The following DMD variants were observed in gnomAD, a reference collection of about 807,000 sequenced individuals.
The protein encoded by DMD is dystrophin, also known as mutant dystrophin.
Under a neutral mutation model 330.1 loss-of-function variants are expected in DMD, and 63 were observed. The ratio of observed to expected loss-of-function variants is 0.19; its 90% CI spans 0.16 to 0.24. The LOEUF is 0.24. Among genes scored for constraint, DMD ranks in the 10% least tolerant of loss-of-function variants. The probability of loss-of-function intolerance (pLI) is 1.00; values close to 1 mark genes in which losing one functional copy is unlikely to be tolerated. For missense variants in DMD, 3,344 were observed against 2,684.1 expected (o/e 1.25, Z -5.43); for synonymous variants, 1,223 against 959.8 (o/e 1.27, Z -5.07).
At chrX:32,494,058 C>T (rs1405589763) in intron 19 of DMD, among the ~76,000 whole-genome samples, 5 of 111,369 alleles carry the variant, frequency 4.5e-5, no homozygotes, top group Non-Finnish European at 9.4e-5. Context: ...AAAAATGAAA[C>T]TATAAGTTGA....
chrX:31,494,644 G>A (rs893429534), intron 57 of DMD, among the ~76,000 whole-genome samples: 2 of 111,774 alleles, frequency 1.8e-5, no homozygotes, highest in African/African-American at 3.2e-5. Flanking sequence ...TAAGGACTGC[G>A]TTAAGTACAG....
intron 1 of DMD, among the ~76,000 whole-genome samples, chrX:33,308,466 A>G (rs1481633998): frequency 8.9e-6 from 1 of 112,269 alleles, no homozygotes; most frequent in African/African-American, 3.2e-5. Flanking sequence ...TTAAACTCCA[A>G]TATATTGAGG....
chrX:32,805,908 T>C (rs776104355), intron 7 of DMD, among the ~76,000 whole-genome samples: 1 of 112,066 alleles, frequency 8.9e-6, no homozygotes, highest in Non-Finnish European at 1.9e-5. Context: ...CCACCAGGCC[T>C]GTCTTACAAG....
chrX:32,958,918 T>G (rs976812767), intron 2 of DMD, among the ~76,000 whole-genome samples: 1 of 110,559 alleles, frequency 9.0e-6, no homozygotes, highest in Non-Finnish European at 1.9e-5. Context: ...AATGCAGCTT[T>G]AACATGCAGA....
chrX:32,035,099 T>C (rs1603622673), intron 44 of DMD, among the ~76,000 whole-genome samples: 1 of 111,736 alleles, frequency 8.9e-6, no homozygotes, highest in East Asian at 2.8e-4. Context: ...GTCCAACCCA[T>C]CTTAGGGAGT....
chrX:32,127,042 T>C (rs1351404556), intron 44 of DMD, among the ~76,000 whole-genome samples: 1 of 111,847 alleles, frequency 8.9e-6, no homozygotes, highest in South Asian at 3.7e-4. Context: ...GCTTCTGATC[T>C]TCCTTTGTGA....
intron 1 of DMD, among the ~76,000 whole-genome samples, chrX:33,149,027 C>T: frequency 9.1e-6 from 1 of 110,427 alleles, no homozygotes; most frequent in Non-Finnish European, 1.9e-5. Context: ...TGACAATTTT[C>T]CCACAGACTG....
At chrX:31,986,264 CAT>C (rs1205580445) in intron 44 of DMD, among the ~76,000 whole-genome samples, 2 of 111,323 alleles carry the variant, frequency 1.8e-5, no homozygotes, top group Non-Finnish European at 3.8e-5. Flanking sequence ...AATTATTAAA[CAT>C]CAATAAAATA....
intron 7 of DMD, among the ~76,000 whole-genome samples, chrX:32,776,417 A>G (rs2074154185): frequency 9.0e-6 from 1 of 110,701 alleles, no homozygotes; most frequent in Admixed American, 9.5e-5. Flanking sequence ...ACTGTTATAA[A>G]GAGTACCTGT....
chrX:31,833,444 TC>T (rs1384538099), intron 49 of DMD, among the ~76,000 whole-genome samples: 2 of 109,811 alleles, frequency 1.8e-5, no homozygotes, highest in East Asian at 5.7e-4. Context: ...GATCATACGA[TC>T]CTAAGATTTT....
At chrX:33,087,810 G>A (rs749924011) in intron 1 of DMD, among the ~76,000 whole-genome samples, 17 of 111,675 alleles carry the variant, frequency 1.5e-4, no homozygotes, top group African/African-American at 5.2e-4. Flanking sequence ...TTATGATGTA[G>A]CTACCCTCAC....
At chrX:32,780,998 G>C (rs1450664045) in intron 7 of DMD, among the ~76,000 whole-genome samples, 1 of 108,585 alleles carries the variant, frequency 9.2e-6, no homozygotes, top group African/African-American at 3.4e-5. Context: ...GGCGCCTGTA[G>C]TCCCAGCTAC....
chrX:31,423,139 A>C (rs1028816029), intron 60 of DMD, among the ~76,000 whole-genome samples: 1 of 112,025 alleles, frequency 8.9e-6, no homozygotes, highest in African/African-American at 3.2e-5. Flanking sequence ...CTTGATCTTA[A>C]TGTCCTCTAA....
At chrX:32,536,785 G>A (rs141030004) in intron 17 of DMD, among the ~76,000 whole-genome samples, 164 of 111,440 alleles carry the variant, frequency 1.5e-3, no homozygotes, top group African/African-American at 5.0e-3. Context: ...AGAGGAGAAG[G>A]GAGTGAAGCT....
chrX:32,687,941 A>G (rs2063000329), intron 9 of DMD, among the ~76,000 whole-genome samples: 1 of 111,414 alleles, frequency 9.0e-6, no homozygotes, highest in Admixed American at 9.6e-5. Context: ...ACTTCCATAA[A>G]GACTTGATTT....
At chrX:33,223,969 G>A in intron 1 of DMD, among the ~76,000 whole-genome samples, 1 of 111,980 alleles carries the variant, frequency 8.9e-6, no homozygotes, top group Non-Finnish European at 1.9e-5. Flanking sequence ...TGGAAAACAG[G>A]CGTATGAAAA....
At chrX:32,515,360 G>C (rs1364960827) in intron 18 of DMD, among the ~76,000 whole-genome samples, 1 of 111,175 alleles carries the variant, frequency 9.0e-6, no homozygotes, top group Non-Finnish European at 1.9e-5. Flanking sequence ...GCATTAACTG[G>C]CTTGATGATT....
upstream of DMD, among the ~76,000 whole-genome samples, chrX:33,216,011 T>C (rs1480494805): frequency 1.8e-5 from 2 of 111,803 alleles, no homozygotes; most frequent in Non-Finnish European, 3.8e-5. Context: ...ATGGGCTCTT[T>C]TGGTTCCATA....
chrX:31,655,508 T>G (rs2080729193), intron 54 of DMD, among the ~76,000 whole-genome samples: 2 of 111,368 alleles, frequency 1.8e-5, no homozygotes, highest in Non-Finnish European at 3.8e-5. Flanking sequence ...ACAAGAATTT[T>G]GGGGAAAAGG....
Sources: allele counts gnomAD v4.1 joint callset (sites outside exome capture counted in the v4.1 genomes callset), GRCh38; gene constraint gnomAD v4.1.1; transcripts MANE v1.5; gene names NCBI Gene and HGNC (gene_info 2026-07-23, HGNC 2026-07-21).